The following PLA2G12A variants were observed in gnomAD, a reference collection of about 807,000 sequenced individuals.
PLA2G12A encodes phospholipase A2 group XIIA, also known as group XIIA secretory phospholipase A2.
In PLA2G12A, 11 loss-of-function variants were observed where a neutral mutation model predicts 16.0. That is an observed-to-expected ratio of 0.69 (90% confidence interval 0.43 to 1.13). The LOEUF is 1.13. Ranked by LOEUF, PLA2G12A falls within the 50% of genes most tolerant of loss-of-function variation. The pLI, the probability that PLA2G12A is intolerant of heterozygous loss-of-function variation, is 0.00. For synonymous variants in PLA2G12A, 77 were observed against 93.8 expected (o/e 0.82, Z 1.03); for missense variants, 214 against 237.3 (o/e 0.90, Z 0.65).
At chr4:109,717,391 T>C (rs896177761) in intron 3 of PLA2G12A, among the ~76,000 whole-genome samples, 157 bp downstream of exon 3, 1 of 152,242 alleles carries the variant, frequency 6.6e-6, no homozygotes, top group Non-Finnish European at 1.5e-5. Context: ...TTTTAGATTA[T>C]AAAATCATCA....
rs1230948885 is a variant in PLA2G12A, at chr4:109,714,052, T to C, written c.*325A>G. ...ATATTTGATCTCTTTTTTTGGTAAA[T>C]GTGGTTGTGAAAATTGAGTTATATA... On this transcript the variant is annotated 3_prime_UTR_variant, in exon 4 of 4. Coordinates refer to ENST00000243501, the MANE Select transcript of PLA2G12A (RefSeq NM_030821.5). 4.7e-6 allele frequency: 1 copy of C among 213,294 alleles called. No individual in the cohort carries two copies. The highest frequency in any genetic ancestry group is 2.3e-5 in the African/African-American group (1 of 44,214). The allele number at this position is 213,294 out of a possible 1,614,324, so 13.2% of individuals were successfully genotyped here. A position where few individuals can be genotyped will look rare whatever the true frequency, so the allele number is the denominator to read the frequency against.
intron 2 of PLA2G12A, 143 bp downstream of exon 2, chr4:109,718,540 C>A: frequency 8.2e-6 from 5 of 606,548 alleles, no homozygotes; most frequent in Non-Finnish European, 1.4e-5. Flanking sequence ...TTAGTTTTGC[C>A]AAAAAGAATC....
intron 2 of PLA2G12A, 102 bp from the exon 3 acceptor site, chr4:109,717,815 G>T: frequency 8.9e-7 from 1 of 1,127,886 alleles, no homozygotes. Flanking sequence ...AATGACTGCT[G>T]TATAGATAGT....
At chr4:109,728,269 C>T (rs193035743) in intron 1 of PLA2G12A, among the ~76,000 whole-genome samples, 12 of 152,292 alleles carry the variant, frequency 7.9e-5, no homozygotes, top group Admixed American at 6.5e-4. Flanking sequence ...CTCTCCCTCA[C>T]CAGAACTCAA....
At position 109,710,237 on chromosome 4, in the gene PLA2G12A, T is replaced by G. The variant is rs1730697100; in HGVS notation, c.*4140A>C. 6.6e-6 allele frequency: 1 copy of G among 152,226 alleles called. No homozygotes were observed. Among genetic ancestry groups the G allele is most frequent in the South Asian group, 2.1e-4 (1 of 4,830 alleles). The allele number at this position is 152,226 out of a possible 1,614,324, so 9.4% of individuals were successfully genotyped here. A position where few individuals can be genotyped will look rare whatever the true frequency, so the allele number is the denominator to read the frequency against. ...GTGTATGTGGAAAGATCTTGCCTAA[T>G]AAGTTTCATTCTACTCCTCAAAGTT... On this transcript the variant is annotated 3_prime_UTR_variant, in exon 4 of 4. Transcript: ENST00000243501.
In PLA2G12A at chr4:109,712,887, G is replaced by C. The variant is rs775913208; in HGVS notation, c.*1490C>G. 11 of 152,168 alleles carry C rather than the reference G, an allele frequency of 7.2e-5. No homozygotes were observed. The highest frequency in any genetic ancestry group is 1.3e-4 in the Non-Finnish European group (9 of 68,040). The allele number at this position is 152,168 out of a possible 1,614,324, so 9.4% of individuals were successfully genotyped here. On this transcript the variant is annotated 3_prime_UTR_variant, in exon 4 of 4. Coordinates refer to ENST00000243501, the MANE Select transcript of PLA2G12A (RefSeq NM_030821.5). ...TCAATTGAGGGTCCCAAACATTTAA[G>C]TGGAAACCCAGTTTGCTCACTTAGC...
chr4:109,728,342 C>G (rs1722979758), intron 1 of PLA2G12A, among the ~76,000 whole-genome samples: 2 of 152,358 alleles, frequency 1.3e-5, no homozygotes, highest in South Asian at 4.1e-4. Context: ...AGAACAACAT[C>G]TGAAGCACAG....
chr4:109,714,792 T>C (rs1010701373), intron 3 of PLA2G12A, among the ~76,000 whole-genome samples: 11 of 150,824 alleles, frequency 7.3e-5, no homozygotes, highest in Non-Finnish European at 1.2e-4. Context: ...TGGAGTGTCA[T>C]GGTGCAGTCA....
Position 109,718,779 on chromosome 4 carries a change from C to A in PLA2G12A, c.209-20G>T. 6.7e-7 allele frequency: 1 copy of A among 1,484,560 alleles called. No individual in the cohort carries two copies. The highest frequency in any genetic ancestry group is 1.4e-5 in the African/African-American group (1 of 69,636). 92.0% of individuals were successfully genotyped at this position (1,484,560 alleles called of 1,614,324 possible). On this transcript the variant is annotated intron_variant, in intron 1 of 3. Coordinates refer to ENST00000243501, the MANE Select transcript of PLA2G12A (RefSeq NM_030821.5). ...TAGATCCTATAAAATATAATGGTAT[C>A]ATAATTAATTTTCAAATATGATAAA...
intron 1 of PLA2G12A, among the ~76,000 whole-genome samples, chr4:109,721,243 G>C (rs1295678590): frequency 6.6e-6 from 1 of 152,108 alleles, no homozygotes; most frequent in Non-Finnish European, 1.5e-5. Flanking sequence ...TGGAAGATGA[G>C]GGTAGATGAC....
intron 1 of PLA2G12A, 81 bp downstream of exon 1, chr4:109,729,521 C>A (rs1459728864): frequency 7.0e-7 from 1 of 1,433,394 alleles, no homozygotes; most frequent in Non-Finnish European, 9.6e-7. Flanking sequence ...TGCCTTGCAT[C>A]TGTCACTCAC....
At chr4:109,721,972 CCTAA>C (rs1286100638) in intron 1 of PLA2G12A, among the ~76,000 whole-genome samples, 9 of 152,282 alleles carry the variant, frequency 5.9e-5, no homozygotes, top group Admixed American at 1.3e-4. Context: ...GCTATAAACT[CCTAA>C]CTATTTGCCC....
At chr4:109,727,101 G>A (rs1561273978) in intron 1 of PLA2G12A, among the ~76,000 whole-genome samples, 1 of 151,392 alleles carries the variant, frequency 6.6e-6, no homozygotes, top group Non-Finnish European at 1.5e-5. Flanking sequence ...TCGAGTAACA[G>A]CAATTTTATT....
At position 109,729,655 on chromosome 4, in the gene PLA2G12A, G is replaced by T; in HGVS notation, c.155C>A (p.Ala52Asp). ...GTCCTCGCCTCCCAGGAGGTCCAAGGCGGCGTTCAGGTACGTGTCTATCTT... is the reference window on the plus strand; with the variant it reads ...GTCCTCGCCTCCCAGGAGGTCCAAGTCGGCGTTCAGGTACGTGTCTATCTT... Reference protein sequence around the residue: ...VHKIDTYLNAALDLLGGEDGL... With the variant: ...VHKIDTYLNADLDLLGGEDGL... Residue 52 changes from alanine (A) to aspartate (D), a missense_variant, in exon 1 of 4, where the codon GCC becomes GAC. Transcript: ENST00000243501. 1 of 1,611,956 alleles carries T rather than the reference G, an allele frequency of 6.2e-7. No homozygotes were observed. The highest frequency in any genetic ancestry group is 8.5e-7 in the Non-Finnish European group (1 of 1,179,830).
intron 1 of PLA2G12A, among the ~76,000 whole-genome samples, chr4:109,729,221 A>G (rs893947182): frequency 6.6e-6 from 1 of 152,224 alleles, no homozygotes; most frequent in African/African-American, 2.4e-5. Flanking sequence ...TTTGCTTCGC[A>G]TGTTCATCCA....
chr4:109,715,745 G>A (rs1730818716), intron 3 of PLA2G12A, among the ~76,000 whole-genome samples: 1 of 152,186 alleles, frequency 6.6e-6, no homozygotes, highest in Non-Finnish European at 1.5e-5. Flanking sequence ...AAAGTGCTGG[G>A]ATTACAGGCG....
Position 109,714,508 on chromosome 4 carries a change from A to C in PLA2G12A, c.452-13T>G. The stretch of plus-strand genomic sequence containing the variant: ...GTTGTTTCACATGCTGCAAAACAAG[A>C]AAATGGGATTACTGTTGGGCAACTG... On this transcript the variant is annotated splice_polypyrimidine_tract_variant and intron_variant, in intron 3 of 3. Transcript: ENST00000243501. The C allele has an allele frequency of 6.4e-7, 1 of 1,562,418 alleles. No homozygotes were observed. Among genetic ancestry groups the C allele is most frequent in the East Asian group, 2.2e-5 (1 of 44,614 alleles).
chr4:109,725,565 A>T (rs550059479), intron 1 of PLA2G12A, among the ~76,000 whole-genome samples: 2 of 152,336 alleles, frequency 1.3e-5, no homozygotes, highest in East Asian at 3.9e-4. Flanking sequence ...TTGTAAGCGG[A>T]TACAAACCAA....
At chr4:109,721,238 G>A (rs924158962) in intron 1 of PLA2G12A, among the ~76,000 whole-genome samples, 2 of 152,112 alleles carry the variant, frequency 1.3e-5, no homozygotes, top group African/African-American at 4.8e-5. Flanking sequence ...ACCCTTGGAA[G>A]ATGAGGGTAG....
Sources: allele counts gnomAD v4.1 joint callset (sites outside exome capture counted in the v4.1 genomes callset), GRCh38; gene constraint gnomAD v4.1.1; transcripts MANE v1.5; gene names NCBI Gene and HGNC (gene_info 2026-07-23, HGNC 2026-07-21).